C2CD5: variants seen among roughly 807,000 people sequenced by gnomAD.
C2CD5 encodes C2 calcium dependent domain containing 5.
Under a neutral mutation model 130.3 loss-of-function variants are expected in C2CD5, and 109 were observed. That is an observed-to-expected ratio of 0.84 (90% CI 0.72 to 0.98). The LOEUF (loss-of-function observed/expected upper bound fraction) is 0.98, where lower values mean the gene tolerates loss of function less well. C2CD5 is among the 50% of genes least tolerant of loss of function. The pLI is 0.00. For missense variants in C2CD5, 996 were observed against 1,261.8 expected (o/e 0.79, Z 3.19); for synonymous variants, 454 against 429.2 (o/e 1.06, Z -0.71).
chr12:22,452,326 A>G (rs1237159731), intron 26 of C2CD5, among the ~76,000 whole-genome samples: 1 of 152,138 alleles, frequency 6.6e-6, no homozygotes, highest in Non-Finnish European at 1.5e-5. Context: ...TTCTACTTTC[A>G]AACGATCCGT....
chr12:22,506,963 A>C, intron 9 of C2CD5, 144 bp from the exon 10 acceptor site: 3 of 575,590 alleles, frequency 5.2e-6, no homozygotes. Context: ...CTTTGTAATT[A>C]AAAGTTTAAT....
intron 26 of C2CD5, 32 bp from the exon 27 acceptor site, chr12:22,449,923 T>C: frequency 6.4e-7 from 1 of 1,569,628 alleles, no homozygotes; most frequent in Non-Finnish European, 8.7e-7. Flanking sequence ...CAGGTTCAGT[T>C]ATACTCAACA....
At chr12:22,486,295 C>T (rs923711832) in intron 12 of C2CD5, among the ~76,000 whole-genome samples, 1 of 152,052 alleles carries the variant, frequency 6.6e-6, no homozygotes, top group Admixed American at 6.6e-5. Flanking sequence ...TACTACACTG[C>T]TCTCGTATCG....
chr12:22,511,958 A>G (rs1464554958), intron 9 of C2CD5, among the ~76,000 whole-genome samples: 1 of 152,124 alleles, frequency 6.6e-6, no homozygotes, highest in African/African-American at 2.4e-5. Context: ...GTAAGTGGAC[A>G]CACACACACA....
chr12:22,500,699 T>G (rs1947659666), intron 10 of C2CD5, among the ~76,000 whole-genome samples: 1 of 152,136 alleles, frequency 6.6e-6, no homozygotes, highest in African/African-American at 2.4e-5. Context: ...GCTTGCATGA[T>G]CTGTCATATT....
Position 22,472,743 on chromosome 12 carries a change from C to T in C2CD5, c.2107+1G>A, listed in dbSNP as rs1322256473. The T allele has an allele frequency of 6.5e-7, 1 of 1,534,844 alleles. No individual in the cohort carries two copies. The highest frequency in any genetic ancestry group is 2.3e-5 in the East Asian group (1 of 44,304). On this transcript the variant is annotated splice_donor_variant, in intron 17 of 26. Transcript: ENST00000446597. LOFTEE classifies it high-confidence loss of function. ...ATCTCAAAGATAACTTTTTTGTTCA[C>T]CTGAAGGAGGAGGAACATCAGTAAG...
intron 14 of C2CD5, among the ~76,000 whole-genome samples, chr12:22,481,798 ATTTTTTTT>A (rs762273958): frequency 1.1e-5 from 1 of 93,192 alleles, no homozygotes; most frequent in Admixed American, 1.1e-4. Flanking sequence ...CACCTGGTGT[ATTTTTTTT>A]TTTTTTTTTT....
At chr12:22,460,281 C>T (rs541181755) in intron 22 of C2CD5, among the ~76,000 whole-genome samples, 6 of 152,234 alleles carry the variant, frequency 3.9e-5, no homozygotes, top group African/African-American at 1.4e-4. Context: ...ATGTTCTACC[C>T]ACATTAGAAT....
At chr12:22,544,205 C>T in intron 1 of C2CD5, 26 bp from the exon 2 acceptor site, 1 of 1,561,770 alleles carries the variant, frequency 6.4e-7, no homozygotes, top group Non-Finnish European at 8.8e-7. Flanking sequence ...AACGAGTCTG[C>T]GCCGAGCGCG....
chr12:22,476,064 TACTGAAATTTC>T (rs1565683273), intron 15 of C2CD5, among the ~76,000 whole-genome samples: 1 of 152,190 alleles, frequency 6.6e-6, no homozygotes, highest in South Asian at 2.1e-4. Flanking sequence ...TCTAGATTCA[TACTGAAATTTC>T]ATCACTAGTA....
At chr12:22,471,703 TAGTA>T (rs1943069512) in intron 19 of C2CD5, among the ~76,000 whole-genome samples, 1 of 151,964 alleles carries the variant, frequency 6.6e-6, no homozygotes, top group Non-Finnish European at 1.5e-5. Flanking sequence ...AAAAATAATA[TAGTA>T]AGTTTTTTTA....
At chr12:22,465,920 G>A (rs1452959105) in intron 22 of C2CD5, among the ~76,000 whole-genome samples, 2 of 151,764 alleles carry the variant, frequency 1.3e-5, no homozygotes, top group African/African-American at 4.8e-5. Flanking sequence ...AACCAGCAAG[G>A]TAACACCAAA....
chr12:22,476,408 T>C (rs1263600930), intron 15 of C2CD5, among the ~76,000 whole-genome samples: 1 of 152,112 alleles, frequency 6.6e-6, no homozygotes, highest in Admixed American at 6.6e-5. Flanking sequence ...AAAGACATAT[T>C]AGAAGATGCA....
chr12:22,509,010 G>A (rs1948889972), intron 9 of C2CD5, among the ~76,000 whole-genome samples: 1 of 151,532 alleles, frequency 6.6e-6, no homozygotes. Context: ...CCGAGTAGCT[G>A]GGACTACAGG....
At chr12:22,504,974 A>C (rs542716501) in intron 10 of C2CD5, among the ~76,000 whole-genome samples, 7 of 152,258 alleles carry the variant, frequency 4.6e-5, no homozygotes, top group Non-Finnish European at 1.0e-4. Context: ...AAAAAACTAA[A>C]GAAGGGGAAA....
intron 7 of C2CD5, among the ~76,000 whole-genome samples, chr12:22,522,882 A>G (rs1950393032): frequency 1.3e-5 from 2 of 152,270 alleles, no homozygotes; most frequent in Non-Finnish European, 2.9e-5. Context: ...AATATCTGGA[A>G]TAAGTTTAAT....
Position 22,457,036 on chromosome 12 carries a change from T to C in C2CD5, c.2812A>G (p.Lys938Glu), listed in dbSNP as rs1940015972. 2 of 1,609,560 alleles carry C rather than the reference T, an allele frequency of 1.2e-6. No individual in the cohort carries two copies. The highest frequency in any genetic ancestry group is 1.3e-5 in the African/African-American group (1 of 74,744). The part of the protein sequence containing the change: ...MTPLSFIPGA[K>E]ITKYLGIINM... ...ATTATCCCAAGATACTTAGTTATTT[T>C]TGCTCCAGGAATAAAAGAAAGAGGT... Residue 938 changes from lysine (K) to glutamate (E), a missense_variant, in exon 25 of 27, where the codon AAA becomes GAA. Physicochemically the swap from Lys to Glu is moderately conservative, Grantham distance 56. This residue lies in a region of C2CD5 where 51 missense variants were observed against 99.5 expected (regional missense o/e 0.51). Coordinates refer to ENST00000446597, the MANE Select transcript of C2CD5 (RefSeq NM_001286176.2).
At chr12:22,501,328 G>C (rs1342983978) in intron 10 of C2CD5, among the ~76,000 whole-genome samples, 1 of 151,994 alleles carries the variant, frequency 6.6e-6, no homozygotes, top group Admixed American at 6.6e-5. Flanking sequence ...GTGGGACAAC[G>C]TCCTTACTAT....
chr12:22,488,340 T>C (rs1209796579), intron 12 of C2CD5, among the ~76,000 whole-genome samples: 1 of 152,040 alleles, frequency 6.6e-6, no homozygotes, highest in Non-Finnish European at 1.5e-5. Flanking sequence ...AGGATGGCAA[T>C]CTAGCATCAT....
Sources: gnomAD v4.1 joint callset for allele counts (sites outside exome capture counted in the v4.1 genomes callset) on GRCh38, gnomAD v4.1.1 for gene constraint, gnomAD v4.1.1 regional missense constraint, MANE v1.5 for transcripts, NCBI Gene and HGNC (gene_info 2026-07-23, HGNC 2026-07-21) for gene names.